Variants in RASA3 observed in about 807,000 individuals in gnomAD.
RASA3 encodes the protein RAS p21 protein activator 3.
In RASA3, 73 loss-of-function variants were observed where a neutral mutation model predicts 110.0. The observed-to-expected ratio is 0.66, with a 90% confidence interval of 0.55 to 0.81. The LOEUF is 0.81. Ranked by LOEUF, RASA3 falls within the 30% of genes least tolerant of loss-of-function variation. RASA3 has a pLI of 0.00. For missense variants in RASA3, 976 were observed against 1,113.2 expected (o/e 0.88, Z 1.75); for synonymous variants, 500 against 451.4 (o/e 1.11, Z -1.37).
intron 3 of RASA3, among the ~76,000 whole-genome samples, chr13:114,041,302 T>C (rs775134622): frequency 6.6e-6 from 1 of 152,204 alleles, no homozygotes; most frequent in Non-Finnish European, 1.5e-5. Context: ...CTGAGCGATA[T>C]GGTGAAAACT....
intron 2 of RASA3, 81 bp from the exon 3 acceptor site, chr13:114,052,236 G>T: frequency 1.1e-6 from 1 of 894,678 alleles, no homozygotes; most frequent in Non-Finnish European, 1.8e-6. Context: ...TGTGGTCTTA[G>T]TTTTAAACAT....
At chr13:114,125,499 C>T (rs138891035) in intron 1 of RASA3, among the ~76,000 whole-genome samples, 54 of 152,300 alleles carry the variant, frequency 3.5e-4, no homozygotes, top group Middle Eastern at 3.4e-3. Flanking sequence ...ATCGTGAGAA[C>T]AGCACCAAGG....
intron 2 of RASA3, among the ~76,000 whole-genome samples, chr13:114,054,359 G>C (rs547402847): frequency 6.6e-6 from 1 of 152,314 alleles, no homozygotes; most frequent in South Asian, 2.1e-4. Flanking sequence ...ATTAGCCCTT[G>C]AGAAAATGCA....
intron 10 of RASA3, 54 bp from the exon 11 acceptor site, chr13:114,018,306 G>A (rs948057647): frequency 1.3e-6 from 2 of 1,515,514 alleles, no homozygotes; most frequent in Admixed American, 4.2e-5. Context: ...AACCCCAGAG[G>A]CCTGTCCCCA....
At chr13:114,031,011 G>A (rs1385742985) in intron 4 of RASA3, among the ~76,000 whole-genome samples, 1 of 151,742 alleles carries the variant, frequency 6.6e-6, no homozygotes, top group African/African-American at 2.4e-5. Flanking sequence ...CTGTGTGTCT[G>A]CCTGTGTGCG....
chr13:114,079,443 G>A (rs939458696), intron 1 of RASA3, among the ~76,000 whole-genome samples: 4 of 152,162 alleles, frequency 2.6e-5, no homozygotes, highest in East Asian at 1.9e-4. Flanking sequence ...CCTTTTAGTC[G>A]TCCCAACGCA....
chr13:113,980,466 C>T (rs567320341), intron 23 of RASA3, among the ~76,000 whole-genome samples: 19 of 100,058 alleles, frequency 1.9e-4, no homozygotes, highest in Admixed American at 7.8e-4. Context: ...CACCTCCACC[C>T]ATGTGTGTGC....
chr13:114,060,896 GAGACGGGGCCTCCAAAGCCGGC>G (rs1469322104), intron 2 of RASA3, among the ~76,000 whole-genome samples: 3 of 139,840 alleles, frequency 2.1e-5, no homozygotes, highest in South Asian at 2.4e-4. Context: ...CCACAGCCGG[GAGACGGGGCCTCCAAAGCCGGC>G]AGACGGAGCC....
At chr13:114,037,693 TA>T (rs1400091723) in intron 4 of RASA3, among the ~76,000 whole-genome samples, 1 of 152,132 alleles carries the variant, frequency 6.6e-6, no homozygotes, top group Non-Finnish European at 1.5e-5. Flanking sequence ...TTTTACCACA[TA>T]AAAAACTGGA....
intron 12 of RASA3, among the ~76,000 whole-genome samples, chr13:114,016,700 T>TTTTTAC (rs1566483748): frequency 6.6e-6 from 1 of 152,212 alleles, no homozygotes; most frequent in African/African-American, 2.4e-5. Context: ...TTTAATAATA[T>TTTTTAC]TTTTACTTCA....
chr13:114,082,715 C>T (rs957724602), intron 1 of RASA3, among the ~76,000 whole-genome samples: 6 of 152,144 alleles, frequency 3.9e-5, no homozygotes, highest in South Asian at 4.1e-4. Flanking sequence ...CCAGCCTGTA[C>T]GCAAGAGGGG....
chr13:114,103,864 G>A (rs1430492080), intron 1 of RASA3, among the ~76,000 whole-genome samples: 5 of 85,238 alleles, frequency 5.9e-5, no homozygotes, highest in South Asian at 4.6e-4. Flanking sequence ...CACTGCCCCC[G>A]GCCACAGACA....
chr13:114,090,376 C>G (rs531601331), intron 1 of RASA3, among the ~76,000 whole-genome samples: 1 of 152,124 alleles, frequency 6.6e-6, no homozygotes, highest in Non-Finnish European at 1.5e-5. Flanking sequence ...TTTATGATGG[C>G]AAAATGGGGG....
intron 2 of RASA3, among the ~76,000 whole-genome samples, chr13:114,063,314 G>A (rs868041326): frequency 6.7e-6 from 1 of 150,022 alleles, no homozygotes; most frequent in African/African-American, 2.4e-5. Flanking sequence ...AATGTTATAG[G>A]TTTAAAATAT....
chr13:114,106,454 C>T (rs1296377127), intron 1 of RASA3, among the ~76,000 whole-genome samples: 1 of 152,224 alleles, frequency 6.6e-6, no homozygotes, highest in Middle Eastern at 3.2e-3. Flanking sequence ...CTTTTGCCAA[C>T]ATTTCCTTCG....
intron 12 of RASA3, among the ~76,000 whole-genome samples, chr13:114,016,580 G>T (rs796628946): frequency 6.6e-6 from 1 of 152,224 alleles, no homozygotes; most frequent in Non-Finnish European, 1.5e-5. Context: ...CCATGGCCGC[G>T]ATCAGACGAG....
intron 1 of RASA3, among the ~76,000 whole-genome samples, chr13:114,100,373 C>T (rs1196516045): frequency 6.6e-6 from 1 of 152,182 alleles, no homozygotes; most frequent in Admixed American, 6.5e-5. Context: ...ATTTTAGACT[C>T]TTGTGCGCAA....
chr13:114,051,276 G>A (rs1412496306), intron 3 of RASA3, among the ~76,000 whole-genome samples: 1 of 152,206 alleles, frequency 6.6e-6, no homozygotes, highest in Non-Finnish European at 1.5e-5. Context: ...TGGCTCCCCG[G>A]CCGCCCGTCC....
chr13:114,012,158 A>G (rs1446263463), intron 15 of RASA3, among the ~76,000 whole-genome samples: 1 of 152,008 alleles, frequency 6.6e-6, no homozygotes, highest in African/African-American at 2.4e-5. Context: ...TGGGCAGGGG[A>G]GGAGAGCAGG....
Sources: allele counts gnomAD v4.1 joint callset (sites outside exome capture counted in the v4.1 genomes callset), GRCh38; gene constraint gnomAD v4.1.1; transcripts MANE v1.5; gene names NCBI Gene and HGNC (gene_info 2026-07-23, HGNC 2026-07-21).